Variants in VWA5A observed in about 807,000 individuals in gnomAD.
VWA5A encodes von Willebrand factor A domain containing 5A.
A neutral mutation model predicts 84.6 loss-of-function variants in VWA5A; 77 were observed. The ratio of observed to expected loss-of-function variants is 0.91; its 90% CI spans 0.76 to 1.10. The LOEUF is 1.10. VWA5A is among the 50% of genes least tolerant of loss of function. VWA5A has a pLI of 0.00. For missense variants in VWA5A, 973 were observed against 963.0 expected (o/e 1.01, Z -0.14); for synonymous variants, 334 against 350.1 (o/e 0.95, Z 0.51).
rs890364642 is a variant in VWA5A, at chr11:124,118,594, C to G, written c.531C>G (p.Pro177=). 2 of 1,614,074 alleles carry G rather than the reference C, an allele frequency of 1.2e-6. No individual in the cohort carries two copies. The highest frequency in any genetic ancestry group is 1.7e-6 in the Non-Finnish European group (2 of 1,180,038). Residue 177 remains proline (P), a synonymous_variant, in exon 6 of 19, where the codon CCC becomes CCG. Coordinates refer to ENST00000456829, the MANE Select transcript of VWA5A (RefSeq NM_001130142.2). ...KTPIVPVEDL[P]YTLSMVATID... ...CTATAGTCCCTGTGGAGGACCTGCC[C>G]TACACACTCAGCATGGTCGCCACCA...
At position 124,146,439 on chromosome 11, in the gene VWA5A, A is replaced by C. The variant is rs2137672317; in HGVS notation, c.*494A>C. 6.5e-6 allele frequency: 1 copy of C among 154,392 alleles called. No individual in the cohort carries two copies. The highest frequency in any genetic ancestry group is 2.4e-5 in the African/African-American group (1 of 41,594). 9.6% of individuals were successfully genotyped at this position (154,392 alleles called of 1,614,324 possible). A position where few individuals can be genotyped will look rare whatever the true frequency, so the allele number is the denominator to read the frequency against. ...CAACATCTGGATCAATGTAATGTCA[A>C]GATCACAAAGACAGAGACTGCAGGG... On this transcript the variant is annotated 3_prime_UTR_variant, in exon 19 of 19. Coordinates refer to ENST00000456829, the MANE Select transcript of VWA5A (RefSeq NM_001130142.2).
In VWA5A at chr11:124,122,995, T is replaced by G. The variant is rs1446093084; in HGVS notation, c.796T>G (p.Phe266Val). 1.2e-6 allele frequency: 2 copies of G among 1,613,950 alleles called. No individual in the cohort carries two copies. Among genetic ancestry groups the G allele is most frequent in the African/African-American group, 2.7e-5 (2 of 74,918 alleles). ...LMGDPSAMVS[F>V]YPNIPEDQPS... ...GGGAGATCCATCTGCAATGGTGAGT[T>G]TCTATCCAAATATCCCAGAAGATCA... Residue 266 changes from phenylalanine (F) to valine (V), a missense_variant, in exon 8 of 19, where the codon TTC becomes GTC. Coordinates refer to ENST00000456829, the MANE Select transcript of VWA5A (RefSeq NM_001130142.2).
chr11:124,131,914 A>G (rs1289829935), intron 11 of VWA5A, among the ~76,000 whole-genome samples: 1 of 151,926 alleles, frequency 6.6e-6, no homozygotes, highest in Non-Finnish European at 1.5e-5. Context: ...GAACATTTCA[A>G]CTTTGCACGA....
At chr11:124,124,359 T>C (rs1864984923) in intron 11 of VWA5A, 43 bp downstream of exon 11, 2 of 1,605,884 alleles carry the variant, frequency 1.2e-6, no homozygotes, top group Non-Finnish European at 1.7e-6. Flanking sequence ...TGCTGAGTAG[T>C]GACACACAGA....
At chr11:124,120,706 G>T (rs1864918435) in intron 7 of VWA5A, among the ~76,000 whole-genome samples, 1 of 152,126 alleles carries the variant, frequency 6.6e-6, no homozygotes, top group Admixed American at 6.5e-5. Context: ...CTCTGTCTTT[G>T]TACGTTAGTT....
At chr11:124,133,289 G>C (rs1388171789) in intron 11 of VWA5A, among the ~76,000 whole-genome samples, 1 of 152,106 alleles carries the variant, frequency 6.6e-6, no homozygotes, top group Non-Finnish European at 1.5e-5. Context: ...TAAATTCTTA[G>C]TTGTTTACAA....
At chr11:124,128,634 T>G (rs552753601) in intron 11 of VWA5A, among the ~76,000 whole-genome samples, 1 of 152,348 alleles carries the variant, frequency 6.6e-6, no homozygotes, top group East Asian at 1.9e-4. Flanking sequence ...TTTTTCTATT[T>G]GTTTGTGTCC....
intron 10 of VWA5A, among the ~76,000 whole-genome samples, 175 bp downstream of exon 10, chr11:124,123,979 G>T (rs1432319421): frequency 6.6e-6 from 1 of 152,238 alleles, no homozygotes; most frequent in East Asian, 1.9e-4. Flanking sequence ...AACTCCATGC[G>T]ATGGACACTG....
chr11:124,133,342 T>G (rs1186219417), intron 11 of VWA5A, among the ~76,000 whole-genome samples: 2 of 152,196 alleles, frequency 1.3e-5, no homozygotes, highest in Non-Finnish European at 2.9e-5. Context: ...ATTTTGTTCC[T>G]CCCGCCTGCG....
chr11:124,136,756 C>CCCTT, intron 14 of VWA5A, 82 bp downstream of exon 14: 1 of 645,236 alleles, frequency 1.5e-6, no homozygotes, highest in African/African-American at 2.2e-5. Flanking sequence ...TTCATTCCCT[C>CCCTT]CCTCCCTCCC....
chr11:124,133,469 G>A (rs1336671245), intron 11 of VWA5A, among the ~76,000 whole-genome samples: 3 of 152,134 alleles, frequency 2.0e-5, no homozygotes, highest in African/African-American at 4.8e-5. Flanking sequence ...CCAGGTCTTG[G>A]CCTATAGATT....
intron 15 of VWA5A, among the ~76,000 whole-genome samples, chr11:124,138,378 A>G (rs2137660440): frequency 6.6e-6 from 1 of 152,208 alleles, no homozygotes. Flanking sequence ...GTTTTCCACA[A>G]TGGCTATACT....
In VWA5A at chr11:124,123,368, A is replaced by G; in HGVS notation, c.933A>G (p.Glu311=). The G allele has an allele frequency of 1.9e-6, 3 of 1,613,358 alleles. No homozygotes were observed. Among genetic ancestry groups the G allele is most frequent in the Non-Finnish European group, 2.5e-6 (3 of 1,179,812 alleles). The part of the protein sequence containing the change: ...TSQLRIQAAK[E]TLILLLKSLP... The stretch of plus-strand genomic sequence containing the variant: ...TCTTCATACTCTCTTACCTTCAGGA[A>G]ACACTGATTTTGCTGCTGAAGAGTT... Residue 311 remains glutamate, a splice_region_variant and synonymous_variant, in exon 9 of 19, where the codon GAA becomes GAG. Transcript: ENST00000456829.
rs1478958268 is a variant in VWA5A at position 124,147,353 on chromosome 11, C to T, written c.*1408C>T. The T allele has an allele frequency of 1.3e-5, 2 of 152,212 alleles. No individual in the cohort carries two copies. The highest frequency in any genetic ancestry group is 3.8e-4 in the East Asian group (2 of 5,196). 9.4% of individuals were successfully genotyped at this position (152,212 alleles called of 1,614,324 possible). ...TCATCTGTAAAACTAAGGGATTAAA[C>T]TAGAACTTTATTAACACTTTCGAGT... On this transcript the variant is annotated 3_prime_UTR_variant, in exon 19 of 19. Coordinates refer to ENST00000456829, the MANE Select transcript of VWA5A (RefSeq NM_001130142.2).
At chr11:124,144,725 G>C (rs1419705914) in intron 17 of VWA5A, among the ~76,000 whole-genome samples, 1 of 152,170 alleles carries the variant, frequency 6.6e-6, no homozygotes, top group East Asian at 1.9e-4. Context: ...AGAAATAAGA[G>C]AATATAACTA....
chr11:124,136,226 C>G lies in VWA5A; in HGVS notation c.1457C>G (p.Pro486Arg), dbSNP rs776252767. Reference protein sequence around the residue: ...PPGLSAKMLSPEQTVIFRGQR... With the variant: ...PPGLSAKMLSREQTVIFRGQR... ...GGTCTGTCTGCTAAAATGCTTTCCC[C>G]AGAACAGACTGTCATCTTTAGGGGT... Residue 486 changes from proline (P) to arginine (R), a missense_variant, in exon 13 of 19, where the codon CCA becomes CGA. Coordinates refer to ENST00000456829, the MANE Select transcript of VWA5A (RefSeq NM_001130142.2). 7 of 1,614,146 alleles carry G rather than the reference C, an allele frequency of 4.3e-6. No individual in the cohort carries two copies. Among genetic ancestry groups the G allele is most frequent in the Non-Finnish European group, 5.9e-6 (7 of 1,180,026 alleles).
chr11:124,124,203 A>G, intron 10 of VWA5A, 34 bp from the exon 11 acceptor site: 1 of 1,603,860 alleles, frequency 6.2e-7, no homozygotes, highest in Non-Finnish European at 8.5e-7. Context: ...AGAACTTGAC[A>G]AAGACCTGAT....
intron 11 of VWA5A, among the ~76,000 whole-genome samples, chr11:124,128,281 A>G (rs1246562778): frequency 6.6e-6 from 1 of 152,122 alleles, no homozygotes; most frequent in African/African-American, 2.4e-5. Context: ...TCCTTTCTCC[A>G]TTACTTGTTT....
intron 11 of VWA5A, among the ~76,000 whole-genome samples, chr11:124,133,657 C>A (rs1482134864): frequency 1.3e-5 from 2 of 152,116 alleles, no homozygotes; most frequent in African/African-American, 4.8e-5. Flanking sequence ...CTTCTGCTTG[C>A]CTGCAGAAGA....
Sources: gnomAD v4.1 joint callset for allele counts (sites outside exome capture counted in the v4.1 genomes callset) on GRCh38, gnomAD v4.1.1 for gene constraint, MANE v1.5 for transcripts, NCBI Gene and HGNC (gene_info 2026-07-23, HGNC 2026-07-21) for gene names.